ARHGAP10: variants seen among roughly 807,000 people sequenced by gnomAD.
ARHGAP10 encodes rho GTPase-activating protein 10.
In ARHGAP10, 87 loss-of-function variants were observed where a neutral mutation model predicts 108.6. The observed-to-expected ratio is 0.80, with a 90% CI of 0.67 to 0.96. ARHGAP10 has a LOEUF of 0.96. ARHGAP10 is among the 40% of genes least tolerant of loss of function. ARHGAP10 has a pLI of 0.00. For synonymous variants in ARHGAP10, 347 were observed against 341.1 expected, an observed-to-expected ratio of 1.02 and a Z score of -0.19; for missense variants, 939 against 954.5, an observed-to-expected ratio of 0.98 and a Z score of 0.21.
intron 1 of ARHGAP10, among the ~76,000 whole-genome samples, chr4:147,800,835 A>C (rs1185935395): frequency 2.0e-5 from 3 of 152,008 alleles, no homozygotes; most frequent in Non-Finnish European, 1.5e-5. Context: ...TTTTTGACAC[A>C]GCGTCTTACT....
intron 7 of ARHGAP10, among the ~76,000 whole-genome samples, chr4:147,873,252 G>A (rs895553534): frequency 1.3e-5 from 2 of 152,092 alleles, no homozygotes; most frequent in Non-Finnish European, 2.9e-5. Flanking sequence ...GAATCAAGGG[G>A]ACCAGTCAAA....
At chr4:147,936,474 G>A (rs911155443) in intron 13 of ARHGAP10, among the ~76,000 whole-genome samples, 13 of 151,530 alleles carry the variant, frequency 8.6e-5, no homozygotes, top group Non-Finnish European at 4.4e-5. Flanking sequence ...GACTACAGGC[G>A]CCCGCCACCG....
At position 147,755,061 on chromosome 4, in the gene ARHGAP10, G is replaced by A. The variant is rs571986960; in HGVS notation, c.154+22606G>A. 3.2e-4 allele frequency among the ~76,000 whole-genome samples: 48 copies of A among 147,734 alleles called. 1 individual carries two copies. The highest frequency in any genetic ancestry group is 1.0e-3 in the African/African-American group (42 of 40,076). On this transcript the variant is annotated intron_variant, in intron 1 of 22. Transcript: ENST00000336498. ...TGCGCAGTTGCACTACAGTCTGGGC[G>A]ACAAGAGTGAAACTCCGTCTCAAAA...
Position 148,048,165 on chromosome 4 carries a change from C to G in ARHGAP10, c.2027+1114C>G, listed in dbSNP as rs1021469739. Among the ~76,000 whole-genome samples, 3 of 152,208 alleles carry G rather than the reference C, an allele frequency of 2.0e-5. No homozygotes were observed. In the South Asian group the frequency reaches 6.2e-4, roughly 31 times the overall value. ...AAAAATTTTGTTGAAGCCAAAGTTG[C>G]TTAAAATAAATTATAGATAATGGTG... On this transcript the variant is annotated intron_variant, in intron 20 of 22. Coordinates refer to ENST00000336498, the MANE Select transcript of ARHGAP10 (RefSeq NM_024605.4).
chr4:147,759,124 A>G (rs1296842159), intron 1 of ARHGAP10, among the ~76,000 whole-genome samples: 1 of 152,226 alleles, frequency 6.6e-6, no homozygotes, highest in African/African-American at 2.4e-5. Context: ...TGCTGAACAA[A>G]TGGTTTATTA....
chr4:147,874,667 C>T lies in ARHGAP10; in HGVS notation c.703-354C>T, dbSNP rs141374315. ...TGCAAAGGAAATTCTTCTCAGGTAGCTATATTAAAACCTAACTTATGTTTT... is the reference window on the plus strand; with the variant it reads ...TGCAAAGGAAATTCTTCTCAGGTAGTTATATTAAAACCTAACTTATGTTTT... On this transcript the variant is annotated intron_variant, in intron 7 of 22. Coordinates refer to ENST00000336498, the MANE Select transcript of ARHGAP10 (RefSeq NM_024605.4). 2.4e-4 allele frequency among the ~76,000 whole-genome samples: 37 copies of T among 152,248 alleles called. No homozygotes were observed. The East Asian group carries it at 6.6e-3, about 27-fold the overall frequency.
intron 18 of ARHGAP10, among the ~76,000 whole-genome samples, chr4:148,019,734 C>T (rs940619243): frequency 4.0e-5 from 6 of 151,442 alleles, no homozygotes; most frequent in African/African-American, 1.5e-4. Flanking sequence ...CATTGCACTC[C>T]AGCCTGGGTG....
chr4:148,036,100 G>GTA (rs2149673275), intron 19 of ARHGAP10, among the ~76,000 whole-genome samples: 1 of 151,876 alleles, frequency 6.6e-6, no homozygotes, highest in East Asian at 1.9e-4. Context: ...GTGTGTGTGT[G>GTA]TGTGTATACT....
At chr4:147,971,163 G>A (rs909710957) in intron 18 of ARHGAP10, among the ~76,000 whole-genome samples, 6 of 151,210 alleles carry the variant, frequency 4.0e-5, no homozygotes, top group African/African-American at 9.7e-5. Context: ...CTTTGTTAAC[G>A]AGAAAATTTT....
chr4:147,874,096 C>T (rs1734961300), intron 7 of ARHGAP10, among the ~76,000 whole-genome samples: 2 of 151,970 alleles, frequency 1.3e-5, no homozygotes, highest in Admixed American at 1.3e-4. Context: ...ACTCTCCATC[C>T]CTTTACAAAA....
At chr4:147,862,900 C>G (rs776663773) in intron 5 of ARHGAP10, 6 of 152,216 alleles carry the variant, frequency 3.9e-5, no homozygotes, top group South Asian at 2.1e-4. Flanking sequence ...CTGCTGATGG[C>G]TGAACTATCA....
chr4:147,736,621 C>T (rs4379049), intron 1 of ARHGAP10, among the ~76,000 whole-genome samples: 10,759 of 152,200 alleles, frequency 0.071, 822 homozygotes, highest in African/African-American at 0.18. Context: ...CTCTGACAAT[C>T]CAGATTTCAT....
At chr4:147,738,354 A>G (rs1319382909) in intron 1 of ARHGAP10, among the ~76,000 whole-genome samples, 1 of 152,000 alleles carries the variant, frequency 6.6e-6, no homozygotes, top group Non-Finnish European at 1.5e-5. Flanking sequence ...GATCGAGACC[A>G]TCCTGGCTAA....
chr4:147,836,936 C>G (rs1365831190), intron 3 of ARHGAP10, among the ~76,000 whole-genome samples: 1 of 152,018 alleles, frequency 6.6e-6, no homozygotes, highest in African/African-American at 2.4e-5. Flanking sequence ...TTTCTGTCAT[C>G]TAAAAATAGA....
At chr4:147,786,178 G>A (rs1730882352) in intron 1 of ARHGAP10, among the ~76,000 whole-genome samples, 1 of 152,138 alleles carries the variant, frequency 6.6e-6, no homozygotes, top group Non-Finnish European at 1.5e-5. Context: ...TTATTAAGAG[G>A]AAGTAACCTT....
At chr4:147,811,122 AG>A (rs1239545328) in intron 1 of ARHGAP10, among the ~76,000 whole-genome samples, 2 of 152,184 alleles carry the variant, frequency 1.3e-5, no homozygotes, top group African/African-American at 4.8e-5. Flanking sequence ...TCTGCTACTA[AG>A]TTCAACAGCT....
At chr4:147,986,824 T>G (rs1349852738) in intron 18 of ARHGAP10, among the ~76,000 whole-genome samples, 1 of 152,170 alleles carries the variant, frequency 6.6e-6, no homozygotes, top group African/African-American at 2.4e-5. Context: ...AAACTGAAGT[T>G]TAGGTGAAGA....
intron 13 of ARHGAP10, among the ~76,000 whole-genome samples, chr4:147,916,212 C>A (rs1462156590): frequency 6.6e-6 from 1 of 152,210 alleles, no homozygotes; most frequent in African/African-American, 2.4e-5. Context: ...ATATGATTAT[C>A]TAAAAACTAG....
chr4:147,963,246 A>G (rs1739070643), intron 16 of ARHGAP10, among the ~76,000 whole-genome samples: 3 of 151,994 alleles, frequency 2.0e-5, no homozygotes, highest in African/African-American at 7.3e-5. Context: ...GCTTTTTGTC[A>G]TGCTATTTAC....
Sources: gnomAD v4.1 joint callset for allele counts (sites outside exome capture counted in the v4.1 genomes callset) on GRCh38, gnomAD v4.1.1 for gene constraint, MANE v1.5 for transcripts, NCBI Gene and HGNC (gene_info 2026-07-23, HGNC 2026-07-21) for gene names.